The following ESRRG variants were observed in gnomAD, a reference collection of about 807,000 sequenced individuals.
The protein encoded by ESRRG is estrogen-related receptor gamma.
In ESRRG, 13 loss-of-function variants were observed where a neutral mutation model predicts 44.0. The observed-to-expected ratio is 0.30, with a 90% CI of 0.19 to 0.47. ESRRG has a LOEUF of 0.47. ESRRG is among the 20% of genes least tolerant of loss of function. The probability of loss-of-function intolerance (pLI) is 1.00; values close to 1 mark genes in which losing one functional copy is unlikely to be tolerated. For synonymous variants in ESRRG, 215 were observed against 214.6 expected (o/e 1.00, Z -0.02); for missense variants, 395 against 580.6 (o/e 0.68, Z 3.29).
intron 3 of ESRRG, among the ~76,000 whole-genome samples, chr1:216,579,292 G>A (rs371205883): frequency 6.6e-6 from 1 of 152,054 alleles, no homozygotes; most frequent in Admixed American, 6.6e-5. Flanking sequence ...GTCTTAATAT[G>A]GATCCACTCC....
At chr1:216,596,089 C>T (rs1046860723) in intron 3 of ESRRG, among the ~76,000 whole-genome samples, 1 of 152,198 alleles carries the variant, frequency 6.6e-6, no homozygotes, top group Non-Finnish European at 1.5e-5. Context: ...CTGGGGTCAA[C>T]TGGCTCACTG....
chr1:216,615,969 A>T (rs2061378905), intron 3 of ESRRG, among the ~76,000 whole-genome samples: 1 of 152,112 alleles, frequency 6.6e-6, no homozygotes, highest in African/African-American at 2.4e-5. Context: ...TACAGGCGTG[A>T]GCACCAGGCC....
At chr1:217,119,009 AGAT>A (rs1046582446) in intron 1 of ESRRG, among the ~76,000 whole-genome samples, 10 of 21,928 alleles carry the variant, frequency 4.6e-4, no homozygotes, top group African/African-American at 1.2e-3. Context: ...CTAGATGGAT[AGAT>A]AGATAGATAG....
chr1:216,934,786 G>GT (rs895589528), intron 2 of ESRRG, among the ~76,000 whole-genome samples: 123 of 152,220 alleles, frequency 8.1e-4, no homozygotes, highest in African/African-American at 2.8e-3. Context: ...CATATCCATT[G>GT]TTTTTTAAAA....
intron 3 of ESRRG, among the ~76,000 whole-genome samples, chr1:216,625,872 T>C (rs2063108367): frequency 6.6e-6 from 1 of 152,230 alleles, no homozygotes; most frequent in Non-Finnish European, 1.5e-5. Context: ...TTTCTTTCTG[T>C]GTCTTTCTGT....
chr1:216,511,434 A>AAAC (rs58208125), intron 6 of ESRRG, among the ~76,000 whole-genome samples: 14,866 of 151,262 alleles, frequency 0.098, 1,891 homozygotes, highest in African/African-American at 0.3. Context: ...ATGATCACAT[A>AAAC]AACAACAACA....
intron 2 of ESRRG, among the ~76,000 whole-genome samples, chr1:216,803,991 C>T (rs2094705981): frequency 6.6e-6 from 1 of 150,828 alleles, no homozygotes; most frequent in Non-Finnish European, 1.5e-5. Context: ...TCTCTCCCTC[C>T]ATCTGCCCTC....
At chr1:217,074,451 C>A (rs1366450213) in intron 1 of ESRRG, among the ~76,000 whole-genome samples, 13 of 144,112 alleles carry the variant, frequency 9.0e-5, no homozygotes, top group Non-Finnish European at 1.5e-4. Flanking sequence ...TCCACCCCCC[C>A]CAAAAAAAAA....
At chr1:216,567,547 T>A (rs368717418) in intron 4 of ESRRG, among the ~76,000 whole-genome samples, 1 of 152,164 alleles carries the variant, frequency 6.6e-6, no homozygotes, top group African/African-American at 2.4e-5. Context: ...TGTATTTTCA[T>A]TGGGAGGTTG....
intron 2 of ESRRG, among the ~76,000 whole-genome samples, chr1:216,928,451 A>G (rs533147665): frequency 1.3e-5 from 2 of 152,262 alleles, no homozygotes; most frequent in East Asian, 3.9e-4. Flanking sequence ...CACAGCATCC[A>G]TCTTCATTGC....
chr1:217,008,123 C>T (rs903926244), intron 1 of ESRRG, among the ~76,000 whole-genome samples: 3 of 152,206 alleles, frequency 2.0e-5, no homozygotes, highest in African/African-American at 7.2e-5. Context: ...GTGCAGCAGA[C>T]ATTAAAATCT....
chr1:216,629,186 C>A (rs952210264), intron 3 of ESRRG, among the ~76,000 whole-genome samples: 1 of 152,072 alleles, frequency 6.6e-6, no homozygotes, highest in African/African-American at 2.4e-5. Flanking sequence ...CCACTTGGAA[C>A]AAGAGATGGT....
At chr1:216,660,776 G>C (rs890425499) in intron 2 of ESRRG, among the ~76,000 whole-genome samples, 2 of 152,072 alleles carry the variant, frequency 1.3e-5, no homozygotes, top group African/African-American at 4.8e-5. Context: ...GGATAGGATA[G>C]GGTTGCTTTT....
chr1:216,660,250 G>T (rs778338494), intron 2 of ESRRG, among the ~76,000 whole-genome samples: 1 of 152,152 alleles, frequency 6.6e-6, no homozygotes, highest in Non-Finnish European at 1.5e-5. Flanking sequence ...CTGCAGAAAT[G>T]AGACTAAAAC....
At chr1:217,035,797 C>T (rs1348158551) in intron 1 of ESRRG, among the ~76,000 whole-genome samples, 1 of 152,034 alleles carries the variant, frequency 6.6e-6, no homozygotes, top group Non-Finnish European at 1.5e-5. Context: ...ATATCTATGC[C>T]TCTGCCCAGT....
intron 5 of ESRRG, among the ~76,000 whole-genome samples, chr1:216,524,319 A>G (rs1467283994): frequency 6.7e-6 from 1 of 148,484 alleles, no homozygotes; most frequent in Non-Finnish European, 1.5e-5. Context: ...TTTTTCATGA[A>G]CTGGAACTCA....
At chr1:216,823,566 CAA>C (rs1312901208) in intron 2 of ESRRG, among the ~76,000 whole-genome samples, 3 of 152,158 alleles carry the variant, frequency 2.0e-5, no homozygotes, top group Non-Finnish European at 2.9e-5. Flanking sequence ...AGGAAAAACA[CAA>C]GAGAAAACTC....
At chr1:216,546,195 T>C (rs2054461824) in intron 5 of ESRRG, among the ~76,000 whole-genome samples, 1 of 151,998 alleles carries the variant, frequency 6.6e-6, no homozygotes, top group South Asian at 2.1e-4. Flanking sequence ...ACTGTAACAA[T>C]CAAAATATTG....
intron 3 of ESRRG, among the ~76,000 whole-genome samples, chr1:216,586,768 G>A (rs1233654006): frequency 6.6e-6 from 1 of 151,802 alleles, no homozygotes; most frequent in Non-Finnish European, 1.5e-5. Flanking sequence ...GTAGAGACGG[G>A]GTTTCACCAT....
Sources: gnomAD v4.1 joint callset for allele counts (sites outside exome capture counted in the v4.1 genomes callset) on GRCh38, gnomAD v4.1.1 for gene constraint, MANE v1.5 for transcripts, NCBI Gene and HGNC (gene_info 2026-07-23, HGNC 2026-07-21) for gene names.